FRMD4A: variants seen among roughly 807,000 people sequenced by gnomAD.
The protein encoded by FRMD4A is FERM domain containing 4A, also known as FERM domain-containing protein 4A.
FRMD4A carries 29 observed loss-of-function variants against 129.1 expected under a neutral mutation model. The ratio of observed to expected loss-of-function variants is 0.22; its 90% confidence interval spans 0.17 to 0.31. FRMD4A has a LOEUF of 0.31. Ranked by LOEUF, FRMD4A falls within the 10% of genes least tolerant of loss-of-function variation. The pLI is 1.00. For synonymous variants in FRMD4A, 634 were observed against 571.6 expected, an observed-to-expected ratio of 1.11 and a Z score of -1.56; for missense variants, 1,272 against 1,375.8, an observed-to-expected ratio of 0.92 and a Z score of 1.19.
At chr10:14,149,850 C>A (rs538160796) in intron 2 of FRMD4A, among the ~76,000 whole-genome samples, 1 of 152,290 alleles carries the variant, frequency 6.6e-6, no homozygotes, top group South Asian at 2.1e-4. Flanking sequence ...CCTGTAGGTC[C>A]TGTTTTAGTC....
chr10:13,696,758 GA>G (rs2086262256), intron 14 of FRMD4A, among the ~76,000 whole-genome samples: 1 of 151,854 alleles, frequency 6.6e-6, no homozygotes, highest in Admixed American at 6.6e-5. Context: ...TAAAAAAAAA[GA>G]CCTGAATTAG....
intron 9 of FRMD4A, 70 bp from the exon 10 acceptor site, chr10:13,740,647 A>G: frequency 1.3e-6 from 1 of 797,564 alleles, no homozygotes. Context: ...TGCCAGTAAG[A>G]TATTTCTCAG....
At chr10:13,723,742 C>T (rs1354729411) in intron 12 of FRMD4A, among the ~76,000 whole-genome samples, 1 of 152,196 alleles carries the variant, frequency 6.6e-6, no homozygotes, top group African/African-American at 2.4e-5. Flanking sequence ...TCTGTGAACT[C>T]TCTGCCACCC....
chr10:14,127,022 G>C (rs533799107), intron 2 of FRMD4A, among the ~76,000 whole-genome samples: 1 of 152,300 alleles, frequency 6.6e-6, no homozygotes, highest in South Asian at 2.1e-4. Context: ...ATGGAGCTTA[G>C]AGTCTAATAG....
intron 2 of FRMD4A, among the ~76,000 whole-genome samples, chr10:13,990,137 G>C (rs1473531677): frequency 6.6e-6 from 1 of 152,192 alleles, no homozygotes; most frequent in East Asian, 1.9e-4. Context: ...TCCTATTCTA[G>C]AAAGTGGGGT....
chr10:14,000,646 C>CAAAAAAAAAAAAAAAAA lies in FRMD4A; in HGVS notation c.46-141751_46-141735dup, dbSNP rs11377448. Among the ~76,000 whole-genome samples, 21 of 43,464 alleles carry CAAAAAAAAAAAAAAAAA rather than the reference C, an allele frequency of 4.8e-4. 1 individual carries two copies. The highest frequency in any genetic ancestry group is 1.3e-3 in the African/African-American group (16 of 12,000). 28.5% of individuals were successfully genotyped at this position (43,464 alleles called of 152,430 possible). ...TGGGTGACAGAGCAAGACGCCACCTCAAAAAAAAAAAAAAAAAAAAAAGAG... is the reference window on the plus strand; with the variant it reads ...TGGGTGACAGAGCAAGACGCCACCTCAAAAAAAAAAAAAAAAAAAAAAAAAAAAAAAAAAAAAAAGAG... On this transcript the variant is annotated intron_variant, in intron 2 of 24. Transcript: ENST00000357447.
intron 2 of FRMD4A, among the ~76,000 whole-genome samples, chr10:14,306,614 T>C (rs1268387914): frequency 1.3e-5 from 2 of 152,228 alleles, no homozygotes; most frequent in African/African-American, 4.8e-5. Flanking sequence ...GAAAAGAGTT[T>C]TGGGAGTCTG....
At chr10:14,170,561 G>A (rs1841423734) in intron 2 of FRMD4A, among the ~76,000 whole-genome samples, 1 of 152,198 alleles carries the variant, frequency 6.6e-6, no homozygotes. Flanking sequence ...GAAGTTAGGT[G>A]ATTGTAAACT....
chr10:13,722,760 G>A (rs1024520160), intron 12 of FRMD4A, among the ~76,000 whole-genome samples: 1 of 152,228 alleles, frequency 6.6e-6, no homozygotes, highest in Non-Finnish European at 1.5e-5. Context: ...GCAAGGGCAG[G>A]GAGCCGGTTA....
intron 12 of FRMD4A, chr10:13,707,848 AG>A: frequency 1.0e-6 from 1 of 985,172 alleles, no homozygotes; most frequent in Middle Eastern, 5.2e-4. Context: ...AGTGGAATGA[AG>A]GGGCCCTGGC....
chr10:13,798,383 G>A (rs564904389), intron 4 of FRMD4A, among the ~76,000 whole-genome samples: 6 of 151,996 alleles, frequency 3.9e-5, no homozygotes, highest in African/African-American at 1.4e-4. Flanking sequence ...TTGCACTCTA[G>A]CCTAGGCGAC....
chr10:14,255,837 CT>C (rs903068061), intron 2 of FRMD4A, among the ~76,000 whole-genome samples: 43 of 151,990 alleles, frequency 2.8e-4, no homozygotes, highest in African/African-American at 1.0e-3. Context: ...GAAATCCAGT[CT>C]TTGCTAAAAG....
At chr10:14,253,097 A>C (rs562225015) in intron 2 of FRMD4A, among the ~76,000 whole-genome samples, 2 of 152,402 alleles carry the variant, frequency 1.3e-5, no homozygotes, top group South Asian at 4.1e-4. Flanking sequence ...TTATTGACCA[A>C]GAAAAGATAT....
intron 2 of FRMD4A, among the ~76,000 whole-genome samples, chr10:13,998,367 GA>G (rs2095630360): frequency 6.6e-6 from 1 of 152,200 alleles, no homozygotes; most frequent in African/African-American, 2.4e-5. Context: ...GAGTTGAGAA[GA>G]AATCACATAA....
At chr10:13,979,765 G>T (rs765183577) in intron 2 of FRMD4A, among the ~76,000 whole-genome samples, 1 of 152,046 alleles carries the variant, frequency 6.6e-6, no homozygotes, top group African/African-American at 2.4e-5. Context: ...AATCTCTAGC[G>T]TCTTGAGTGT....
chr10:13,697,107 G>A (rs2086293988), intron 14 of FRMD4A, among the ~76,000 whole-genome samples: 1 of 150,824 alleles, frequency 6.6e-6, no homozygotes, highest in Non-Finnish European at 1.5e-5. Context: ...TCCTAAAGGA[G>A]ACTAGATTCC....
At chr10:13,923,862 C>G (rs1015091934) in intron 2 of FRMD4A, among the ~76,000 whole-genome samples, 8 of 152,172 alleles carry the variant, frequency 5.3e-5, no homozygotes, top group Non-Finnish European at 1.2e-4. Flanking sequence ...GAGAGGTGAA[C>G]ATGGCACCAC....
intron 3 of FRMD4A, among the ~76,000 whole-genome samples, chr10:13,845,558 T>C (rs766593094): frequency 1.3e-5 from 2 of 152,174 alleles, no homozygotes; most frequent in Non-Finnish European, 2.9e-5. Flanking sequence ...ACATTCCCAT[T>C]TTACACACGA....
intron 4 of FRMD4A, among the ~76,000 whole-genome samples, 195 bp from the exon 5 acceptor site, chr10:13,796,783 T>G (rs1324687162): frequency 6.6e-6 from 1 of 152,140 alleles, no homozygotes; most frequent in Non-Finnish European, 1.5e-5. Flanking sequence ...TGCAGTGGCA[T>G]GATCTTGGCT....
Sources: allele counts gnomAD v4.1 joint callset (sites outside exome capture counted in the v4.1 genomes callset), GRCh38; gene constraint gnomAD v4.1.1; transcripts MANE v1.5; gene names NCBI Gene and HGNC (gene_info 2026-07-23, HGNC 2026-07-21).